Variants in GRIK2 observed in about 807,000 individuals in gnomAD.
GRIK2 encodes the protein glutamate ionotropic receptor kainate type subunit 2.
GRIK2 carries 32 observed loss-of-function variants against 100.3 expected under a neutral mutation model. The observed-to-expected ratio is 0.32, with a 90% CI of 0.24 to 0.43. The LOEUF (loss-of-function observed/expected upper bound fraction) is 0.43, where lower values mean the gene tolerates loss of function less well. GRIK2 is among the 20% of genes least tolerant of loss of function. The pLI, the probability that GRIK2 is intolerant of heterozygous loss-of-function variation, is 1.00. For missense variants in GRIK2, 843 were observed against 1,114.9 expected, an observed-to-expected ratio of 0.76 and a Z score of 3.47; for synonymous variants, 417 against 389.4, an observed-to-expected ratio of 1.07 and a Z score of -0.83.
chr6:101,929,924 G>A (rs964407751), intron 14 of GRIK2, among the ~76,000 whole-genome samples: 2 of 152,024 alleles, frequency 1.3e-5, no homozygotes, highest in Non-Finnish European at 2.9e-5. Context: ...AAAACAATAC[G>A]TTCAGTATGG....
At chr6:101,923,228 T>C (rs960780692) in intron 12 of GRIK2, among the ~76,000 whole-genome samples, 1 of 152,164 alleles carries the variant, frequency 6.6e-6, no homozygotes, top group Non-Finnish European at 1.5e-5. Context: ...TTCAAATAAC[T>C]TTGATTGGAT....
intron 14 of GRIK2, among the ~76,000 whole-genome samples, chr6:102,008,062 C>A (rs941221291): frequency 6.6e-6 from 1 of 151,822 alleles, no homozygotes; most frequent in African/African-American, 2.4e-5. Context: ...ACAACAACAA[C>A]AAAATTTTAA....
chr6:101,810,362 GATT>G (rs1470963881), intron 9 of GRIK2, among the ~76,000 whole-genome samples: 1 of 151,942 alleles, frequency 6.6e-6, no homozygotes, highest in Non-Finnish European at 1.5e-5. Context: ...TGTTTAGTTA[GATT>G]ATTAATTCCT....
At chr6:102,019,542 T>C (rs1732241304) in intron 14 of GRIK2, among the ~76,000 whole-genome samples, 2 of 152,054 alleles carry the variant, frequency 1.3e-5, no homozygotes, top group Admixed American at 1.3e-4. Context: ...AGGAGTGCAG[T>C]TGTTTTTCAC....
At chr6:101,494,971 T>TTATATATATATATATATATATATA (rs369006296) in intron 2 of GRIK2, among the ~76,000 whole-genome samples, 25 of 107,952 alleles carry the variant, frequency 2.3e-4, no homozygotes, top group South Asian at 6.7e-4. Context: ...ATATATGCAT[T>TTATATATATATATATATATATATA]TATATATATA....
chr6:101,983,426 T>C (rs1006305606), intron 14 of GRIK2, among the ~76,000 whole-genome samples: 2 of 151,846 alleles, frequency 1.3e-5, no homozygotes, highest in Admixed American at 1.3e-4. Flanking sequence ...ACCGGTTTTT[T>C]ATTCACATTG....
chr6:101,895,442 T>A (rs901602983), intron 12 of GRIK2, among the ~76,000 whole-genome samples: 1 of 151,754 alleles, frequency 6.6e-6, no homozygotes, highest in South Asian at 2.1e-4. Context: ...GAACTGACTT[T>A]AGAAAACCAT....
chr6:101,792,507 C>A (rs1423323018), intron 7 of GRIK2, among the ~76,000 whole-genome samples: 1 of 151,734 alleles, frequency 6.6e-6, no homozygotes, highest in South Asian at 2.1e-4. Flanking sequence ...GTTGAAAATT[C>A]TTTTCTTTAA....
intron 14 of GRIK2, among the ~76,000 whole-genome samples, chr6:101,970,011 C>T (rs1252200395): frequency 6.6e-6 from 1 of 151,998 alleles, no homozygotes; most frequent in African/African-American, 2.4e-5. Flanking sequence ...ATTTTGTCAG[C>T]ACTTTGTAAA....
intron 14 of GRIK2, among the ~76,000 whole-genome samples, chr6:101,955,150 A>T (rs1791835423): frequency 6.6e-6 from 1 of 152,058 alleles, no homozygotes; most frequent in Admixed American, 6.6e-5. Flanking sequence ...ATATATTGAT[A>T]TGTAGTTTGT....
At chr6:101,852,264 A>C (rs1784176840) in intron 10 of GRIK2, among the ~76,000 whole-genome samples, 1 of 152,156 alleles carries the variant, frequency 6.6e-6, no homozygotes, top group Non-Finnish European at 1.5e-5. Context: ...GAGCTAATTT[A>C]CTATACCTAC....
At chr6:101,545,053 C>T (rs374354390) in intron 2 of GRIK2, among the ~76,000 whole-genome samples, 3 of 152,188 alleles carry the variant, frequency 2.0e-5, no homozygotes, top group East Asian at 3.9e-4. Flanking sequence ...GTTTCTTCAT[C>T]TTTGCCATTC....
chr6:101,674,257 T>C (rs1770660798), intron 4 of GRIK2, among the ~76,000 whole-genome samples: 1 of 152,134 alleles, frequency 6.6e-6, no homozygotes, highest in Non-Finnish European at 1.5e-5. Flanking sequence ...CTGGGAAGAT[T>C]GGTTAAAATA....
chr6:101,456,254 G>A (rs1771004715), intron 2 of GRIK2, among the ~76,000 whole-genome samples: 1 of 151,912 alleles, frequency 6.6e-6, no homozygotes, highest in South Asian at 2.1e-4. Flanking sequence ...ATATTATGAA[G>A]TCCTAGGACC....
At chr6:101,577,782 A>G (rs1582753566) in intron 2 of GRIK2, among the ~76,000 whole-genome samples, 2 of 152,184 alleles carry the variant, frequency 1.3e-5, no homozygotes, top group East Asian at 3.9e-4. Context: ...TTAGGAAAAT[A>G]TAAGTTAACA....
chr6:101,658,518 G>A (rs2128332387), intron 4 of GRIK2, among the ~76,000 whole-genome samples: 1 of 152,290 alleles, frequency 6.6e-6, no homozygotes, highest in Non-Finnish European at 1.5e-5. Flanking sequence ...AAACATACGT[G>A]TGCATGTGTC....
rs1371323843 is a variant in GRIK2, at chr6:102,055,465, G to C, written c.2447G>C (p.Gly816Ala). 6.2e-7 allele frequency: 1 copy of C among 1,613,876 alleles called. No homozygotes were observed. Among genetic ancestry groups the C allele is most frequent in the Non-Finnish European group, 8.5e-7 (1 of 1,179,868 alleles). Reference sequence around the variant, plus strand: ...GAGAGCAAAGAGGCCAGTGCCCTGGGGGTTCAGAATATTGGTGGCATCTTC... The same window carrying C: ...GAGAGCAAAGAGGCCAGTGCCCTGGCGGTTCAGAATATTGGTGGCATCTTC... ...EEESKEASAL[G>A]VQNIGGIFIV... is the part of the protein sequence containing the mutation. Residue 816 changes from glycine to alanine, a missense_variant, in exon 16 of 17, where the codon GGG becomes GCG. This residue lies in a region of GRIK2 where 237 missense variants were observed against 388.0 expected (regional missense o/e 0.61). Transcript: ENST00000369134.
intron 7 of GRIK2, among the ~76,000 whole-genome samples, chr6:101,711,863 A>T (rs1427016837): frequency 6.6e-6 from 1 of 151,730 alleles, no homozygotes; most frequent in African/African-American, 2.4e-5. Context: ...AGTAAATAAC[A>T]TTTTTTTCCT....
intron 14 of GRIK2, among the ~76,000 whole-genome samples, chr6:101,933,919 C>T (rs190370062): frequency 2.4e-3 from 359 of 151,922 alleles, no homozygotes; most frequent in Non-Finnish European, 3.9e-3. Context: ...CTAGGTAGAA[C>T]GTTTTAATTT....
Sources: allele counts gnomAD v4.1 joint callset (sites outside exome capture counted in the v4.1 genomes callset), GRCh38; gene constraint gnomAD v4.1.1; regional missense constraint gnomAD v4.1.1; transcripts MANE v1.5; gene names NCBI Gene and HGNC (gene_info 2026-07-23, HGNC 2026-07-21).